The following EXOC4 variants were observed in gnomAD, a reference collection of about 807,000 sequenced individuals.
The protein encoded by EXOC4 is SEC8-like 1.
EXOC4 carries 71 observed loss-of-function variants against 107.2 expected under a neutral mutation model. The ratio of observed to expected loss-of-function variants is 0.66; its 90% confidence interval spans 0.55 to 0.81. EXOC4 has a LOEUF of 0.81. Among genes scored for constraint, EXOC4 ranks in the 30% least tolerant of loss-of-function variants. The pLI, the probability that EXOC4 is intolerant of heterozygous loss-of-function variation, is 0.00. For missense variants in EXOC4, 1,108 were observed against 1,189.6 expected (o/e 0.93, Z 1.01); for synonymous variants, 456 against 441.2 (o/e 1.03, Z -0.42).
Position 134,064,286 on chromosome 7 carries a change from C to G in EXOC4, c.2688-5C>G. 2.8e-6 allele frequency: 4 copies of G among 1,424,438 alleles called. No individual in the cohort carries two copies. Among genetic ancestry groups the G allele is most frequent in the Non-Finnish European group, 3.7e-6 (4 of 1,077,798 alleles). 88.2% of individuals were successfully genotyped at this position (1,424,438 alleles called of 1,614,324 possible). A position where few individuals can be genotyped will look rare whatever the true frequency, so the allele number is the denominator to read the frequency against. On this transcript the variant is annotated splice_polypyrimidine_tract_variant and splice_region_variant and intron_variant, in intron 17 of 17. Coordinates refer to ENST00000253861, the MANE Select transcript of EXOC4 (RefSeq NM_021807.4). ...AGTGAGCAGTGTTCTCTCTTGCTTT[C>G]TCAGGCAGTACTACGAGATGCTTTA... is the stretch of plus-strand genomic sequence containing the variant.
chr7:133,828,116 C>G (rs1387059109), intron 11 of EXOC4, among the ~76,000 whole-genome samples: 1 of 152,136 alleles, frequency 6.6e-6, no homozygotes, highest in East Asian at 1.9e-4. Flanking sequence ...GGTGGATAAG[C>G]AGGAGAGAAG....
At chr7:133,961,419 T>C (rs1211642414) in intron 14 of EXOC4, among the ~76,000 whole-genome samples, 2 of 151,066 alleles carry the variant, frequency 1.3e-5, no homozygotes, top group African/African-American at 4.9e-5. Flanking sequence ...CCCGAGAAGC[T>C]GGGACTACAG....
intron 10 of EXOC4, among the ~76,000 whole-genome samples, chr7:133,714,958 CTG>C (rs1197250075): frequency 2.0e-5 from 3 of 152,144 alleles, no homozygotes; most frequent in African/African-American, 7.2e-5. Context: ...TAGGTTATAT[CTG>C]TTGATCTCCA....
intron 9 of EXOC4, among the ~76,000 whole-genome samples, chr7:133,498,461 T>C (rs1584960169): frequency 6.6e-6 from 1 of 152,260 alleles, no homozygotes; most frequent in East Asian, 1.9e-4. Flanking sequence ...GGCAGGCACC[T>C]GTAGTCCCAG....
At chr7:133,720,242 G>T (rs989934362) in intron 10 of EXOC4, among the ~76,000 whole-genome samples, 19 of 152,238 alleles carry the variant, frequency 1.2e-4, no homozygotes, top group African/African-American at 4.6e-4. Flanking sequence ...TAAGATCTCT[G>T]AGCCTTGATT....
chr7:133,913,783 A>G (rs1294081665), intron 12 of EXOC4, among the ~76,000 whole-genome samples: 1 of 152,182 alleles, frequency 6.6e-6, no homozygotes, highest in Non-Finnish European at 1.5e-5. Context: ...CCCTAGAGAT[A>G]ATAATTTCAG....
At position 133,855,638 on chromosome 7, in the gene EXOC4, T is replaced by C. The variant is rs192269312; in HGVS notation, c.1734+38094T>C. ...GAATGATCAATGATTTTGAAAAACA[T>C]AGTGTGTACCTTTCTCTTTGGGAGG... On this transcript the variant is annotated intron_variant, in intron 11 of 17. Transcript: ENST00000253861. Among the ~76,000 whole-genome samples, 354 of 120,000 alleles carry C rather than the reference T, an allele frequency of 2.9e-3. 3 individuals are homozygous for C. Among genetic ancestry groups the C allele is most frequent in the South Asian group, 0.016 (66 of 4,104 alleles). The allele number at this position is 120,000 out of a possible 152,430, so 78.7% of individuals were successfully genotyped here.
At chr7:133,804,938 G>A (rs17167284) in intron 10 of EXOC4, among the ~76,000 whole-genome samples, 10 of 151,736 alleles carry the variant, frequency 6.6e-5, no homozygotes, top group Admixed American at 2.0e-4. Flanking sequence ...TATTGTATCC[G>A]CTTTAAGAAG....
At chr7:133,855,937 T>A (rs1482771901) in intron 11 of EXOC4, among the ~76,000 whole-genome samples, 1 of 152,222 alleles carries the variant, frequency 6.6e-6, no homozygotes, top group East Asian at 1.9e-4. Flanking sequence ...CCCATATAAA[T>A]AGGTCCTATC....
the EXOC4 span, among the ~76,000 whole-genome samples, chr7:134,095,675 T>C: frequency 6.6e-6 from 1 of 152,036 alleles, no homozygotes; most frequent in Non-Finnish European, 1.5e-5. Flanking sequence ...TGCACACCTA[T>C]GGCCGTCTAA....
At chr7:133,337,735 T>C (rs977592989) in intron 5 of EXOC4, among the ~76,000 whole-genome samples, 1 of 150,308 alleles carries the variant, frequency 6.7e-6, no homozygotes, top group Non-Finnish European at 1.5e-5. Context: ...CCAGGCTTAG[T>C]TGATCCTCCC....
intron 6 of EXOC4, among the ~76,000 whole-genome samples, chr7:133,361,765 C>T (rs1353646419): frequency 6.6e-6 from 1 of 152,056 alleles, no homozygotes; most frequent in Non-Finnish European, 1.5e-5. Context: ...AGTAACTTGT[C>T]ATGATATCTG....
chr7:133,823,085 A>G (rs1797563765), intron 11 of EXOC4, among the ~76,000 whole-genome samples: 1 of 152,206 alleles, frequency 6.6e-6, no homozygotes, highest in Non-Finnish European at 1.5e-5. Context: ...CTCAGGCTTA[A>G]ACTCCCACAT....
At chr7:133,326,796 G>GC (rs1341194078) in intron 5 of EXOC4, among the ~76,000 whole-genome samples, 1 of 152,236 alleles carries the variant, frequency 6.6e-6, no homozygotes, top group East Asian at 1.9e-4. Context: ...GCTATGCCCT[G>GC]CCCCCAGAGG....
chr7:133,711,972 A>G (rs1377836672), intron 10 of EXOC4, among the ~76,000 whole-genome samples: 1 of 152,192 alleles, frequency 6.6e-6, no homozygotes, highest in Admixed American at 6.5e-5. Context: ...CATGAAATAA[A>G]GTGGATTTGA....
chr7:133,417,608 A>C (rs771303186), intron 7 of EXOC4, among the ~76,000 whole-genome samples: 4 of 152,144 alleles, frequency 2.6e-5, no homozygotes, highest in Non-Finnish European at 5.9e-5. Flanking sequence ...GATCTAAGAC[A>C]ATTGGGGAAC....
intron 1 of EXOC4, among the ~76,000 whole-genome samples, chr7:133,268,943 A>T (rs2178689): frequency 0.87 from 132,400 of 152,200 alleles, 58,104 homozygotes; most frequent in East Asian, 1. Context: ...TGTCTTTGTG[A>T]CCAGCTTAAC....
At chr7:133,709,353 C>T (rs982265010) in intron 10 of EXOC4, among the ~76,000 whole-genome samples, 2 of 152,182 alleles carry the variant, frequency 1.3e-5, no homozygotes, top group East Asian at 1.9e-4. Context: ...CAGTCAGCTA[C>T]AGTGAAGCAT....
chr7:134,023,714 T>C (rs947325493), intron 17 of EXOC4, among the ~76,000 whole-genome samples: 1 of 152,204 alleles, frequency 6.6e-6, no homozygotes, highest in African/African-American at 2.4e-5. Context: ...ACATTAGTAT[T>C]TCAAGAAAAT....
Sources: gnomAD v4.1 joint callset for allele counts (sites outside exome capture counted in the v4.1 genomes callset) on GRCh38, gnomAD v4.1.1 for gene constraint, MANE v1.5 for transcripts, NCBI Gene and HGNC (gene_info 2026-07-23, HGNC 2026-07-21) for gene names.